AEBP2: variants seen among roughly 807,000 people sequenced by gnomAD.
The protein encoded by AEBP2 is zinc finger protein AEBP2.
Under a neutral mutation model 50.8 loss-of-function variants are expected in AEBP2, and 10 were observed. That is an observed-to-expected ratio of 0.20 (90% CI 0.12 to 0.33). The LOEUF (loss-of-function observed/expected upper bound fraction) is 0.33. AEBP2 is among the 10% of genes least tolerant of loss of function. The pLI is 1.00. For missense variants in AEBP2, 570 were observed against 688.0 expected, an observed-to-expected ratio of 0.83 and a Z score of 1.92; for synonymous variants, 296 against 261.3, an observed-to-expected ratio of 1.13 and a Z score of -1.28.
intron 2 of AEBP2, among the ~76,000 whole-genome samples, chr12:19,470,921 A>G (rs973176760): frequency 6.6e-6 from 1 of 152,176 alleles, no homozygotes; most frequent in African/African-American, 2.4e-5. Context: ...GTTCCCAAAT[A>G]CTTTCTTTAA....
chr12:19,502,804 A>G (rs1949102713), intron 5 of AEBP2, among the ~76,000 whole-genome samples: 1 of 151,918 alleles, frequency 6.6e-6, no homozygotes, highest in Non-Finnish European at 1.5e-5. Flanking sequence ...GTGTACCACC[A>G]CGCCTGGCTA....
At chr12:19,425,956 A>G (rs2095748316) in intron 1 of AEBP2, among the ~76,000 whole-genome samples, 1 of 151,864 alleles carries the variant, frequency 6.6e-6, no homozygotes, top group Admixed American at 6.6e-5. Flanking sequence ...TTTCTTTTTG[A>G]GACAGGGTCT....
intron 3 of AEBP2, among the ~76,000 whole-genome samples, chr12:19,487,505 G>A (rs1313808064): frequency 3.3e-5 from 5 of 152,108 alleles, no homozygotes; most frequent in African/African-American, 1.2e-4. Context: ...ATCATTTGAG[G>A]TCAGGAGTTC....
At chr12:19,504,693 T>A (rs975835125) in intron 5 of AEBP2, among the ~76,000 whole-genome samples, 6 of 152,134 alleles carry the variant, frequency 3.9e-5, no homozygotes, top group African/African-American at 1.4e-4. Context: ...GAGAGCCTGG[T>A]TAGGAGCTCA....
At chr12:19,484,799 TGAA>T (rs896903408) in intron 3 of AEBP2, among the ~76,000 whole-genome samples, 4 of 151,952 alleles carry the variant, frequency 2.6e-5, no homozygotes, top group African/African-American at 9.7e-5. Context: ...AAGAAAAAAA[TGAA>T]GGAGGTAGTA....
Position 19,439,693 on chromosome 12 carries a change from C to T in AEBP2, c.-7C>T, listed in dbSNP as rs1483371458. On this transcript the variant is annotated 5_prime_UTR_variant, in exon 1 of 8. Coordinates refer to ENST00000266508, the MANE Select transcript of AEBP2 (RefSeq NM_153207.5). Reference sequence around the variant, plus strand: ...GAGGAGGAGGAGGAGGAGGAGCAGGCGCCGCCATGGCCGCCGCTATCACCG... The same window carrying T: ...GAGGAGGAGGAGGAGGAGGAGCAGGTGCCGCCATGGCCGCCGCTATCACCG... 14 of 1,505,346 alleles carry T rather than the reference C, an allele frequency of 9.3e-6. No homozygotes were observed. Among genetic ancestry groups the T allele is most frequent in the Non-Finnish European group, 3.5e-6 (4 of 1,135,016 alleles). The allele number at this position is 1,505,346 out of a possible 1,614,324, so 93.2% of individuals were successfully genotyped here. A position where few individuals can be genotyped will look rare whatever the true frequency, so the allele number is the denominator to read the frequency against.
chr12:19,440,212 CG>C lies in AEBP2; in HGVS notation c.518del (p.Gly173AlafsTer8). 6 of 1,454,100 alleles carry C rather than the reference CG, an allele frequency of 4.1e-6. No individual in the cohort carries two copies. The highest frequency in any genetic ancestry group is 4.5e-6 in the Non-Finnish European group (5 of 1,115,712). 90.1% of individuals were successfully genotyped at this position (1,454,100 alleles called of 1,614,324 possible). ...GACCGCGGGGCAGCCAGGGCGGCGG[CG>C]GGGGCGGCAGCAGTAGCAGCAGCGT... Reference protein sequence around the residue: ...KGPRGSQGGGGGGSSSSSVVS... With the variant: ...KGPRGSQGGGXGGSSSSSVVS... On this transcript the variant is annotated frameshift_variant, in exon 1 of 8. Transcript: ENST00000266508. LOFTEE classifies it high-confidence loss of function.
intron 2 of AEBP2, among the ~76,000 whole-genome samples, chr12:19,468,674 G>A (rs1474440800): frequency 1.3e-5 from 2 of 152,130 alleles, no homozygotes; most frequent in Non-Finnish European, 2.9e-5. Context: ...AGGATACACT[G>A]GTTCATACAC....
At chr12:19,459,539 C>G (rs117047132) in intron 1 of AEBP2, among the ~76,000 whole-genome samples, 3,274 of 152,192 alleles carry the variant, frequency 0.022, 41 homozygotes, top group East Asian at 0.043. Flanking sequence ...CCGGGGGAAA[C>G]TTGAAATTTC....
intron 3 of AEBP2, among the ~76,000 whole-genome samples, chr12:19,487,495 A>G (rs1948827637): frequency 6.6e-6 from 1 of 152,150 alleles, no homozygotes; most frequent in Admixed American, 6.6e-5. Context: ...AGGCGGGTGG[A>G]TCATTTGAGG....
intron 5 of AEBP2, among the ~76,000 whole-genome samples, chr12:19,504,681 A>G (rs771709233): frequency 2.0e-5 from 3 of 152,186 alleles, no homozygotes. Context: ...TGAGCCTGGC[A>G]GGAGAGCCTG....
chr12:19,505,102 A>G (rs1949136070), intron 5 of AEBP2, among the ~76,000 whole-genome samples: 1 of 152,236 alleles, frequency 6.6e-6, no homozygotes, highest in Non-Finnish European at 1.5e-5. Context: ...TTTGGAGACC[A>G]GAAAGAGTTA....
chr12:19,479,717 G>GTTTTTTTTTTTTTTTTTTTTTTT lies in AEBP2; in HGVS notation c.987+6371_987+6393dup, dbSNP rs369410408. Among the ~76,000 whole-genome samples, 25 of 22,346 alleles carry GTTTTTTTTTTTTTTTTTTTTTTT rather than the reference G, an allele frequency of 1.1e-3. 6 individuals are homozygous for GTTTTTTTTTTTTTTTTTTTTTTT. The highest frequency in any genetic ancestry group is 1.5e-3 in the Non-Finnish European group (17 of 11,048). 14.7% of individuals were successfully genotyped at this position (22,346 alleles called of 152,430 possible). ...ATTATTTAATGTCACCTCTTTGTGG[G>GTTTTTTTTTTTTTTTTTTTTTTT]TTTTTTTTTTTTTTTTTTTTTTTTT... On this transcript the variant is annotated intron_variant, in intron 3 of 7. Coordinates refer to ENST00000266508, the MANE Select transcript of AEBP2 (RefSeq NM_153207.5).
intron 2 of AEBP2, among the ~76,000 whole-genome samples, chr12:19,468,287 C>G (rs1372910710): frequency 6.6e-6 from 1 of 152,076 alleles, no homozygotes; most frequent in East Asian, 1.9e-4. Context: ...TATATCACCA[C>G]ACTCACCTGG....
chr12:19,416,648 G>T (rs1247941150), intron 1 of AEBP2, among the ~76,000 whole-genome samples: 1 of 147,910 alleles, frequency 6.8e-6, no homozygotes, highest in Non-Finnish European at 1.5e-5. Context: ...TCTTGAGACA[G>T]AGTCTCGTTC....
intron 1 of AEBP2, among the ~76,000 whole-genome samples, chr12:19,454,129 C>G (rs779437948): frequency 1.3e-5 from 2 of 151,986 alleles, no homozygotes; most frequent in African/African-American, 2.4e-5. Flanking sequence ...GAGCTCAAGC[C>G]GTTCGCCGCC....
chr12:19,454,127 G>A (rs2153368644), intron 1 of AEBP2, among the ~76,000 whole-genome samples: 1 of 152,194 alleles, frequency 6.6e-6, no homozygotes, highest in East Asian at 1.9e-4. Context: ...CTGAGCTCAA[G>A]CCGTTCGCCG....
rs1196456446 is a variant in AEBP2 at position 19,462,579 on chromosome 12, T to C, written c.741T>C (p.Asn247=). The C allele has an allele frequency of 6.8e-6, 11 of 1,613,752 alleles. No individual in the cohort carries two copies. Among genetic ancestry groups the C allele is most frequent in the African/African-American group, 1.3e-5 (1 of 74,928 alleles). ...GGCGTTCAACTCCAGCAATGATGAA[T>C]GGACAAGGAAGCACTACTTCTTCAA... is the stretch of plus-strand genomic sequence containing the variant. ...SSGRSTPAMM[N]GQGSTTSSSK... is the part of the protein sequence containing the mutation. Residue 247 remains asparagine (N), a synonymous_variant, in exon 2 of 8, where the codon AAT becomes AAC. Transcript: ENST00000266508.
intron 1 of AEBP2, among the ~76,000 whole-genome samples, chr12:19,445,680 A>G (rs981071989): frequency 1.3e-5 from 2 of 152,224 alleles, no homozygotes; most frequent in African/African-American, 4.8e-5. Flanking sequence ...GTACTGTATC[A>G]ATCAGGTGTT....
Sources: gnomAD v4.1 joint callset for allele counts (sites outside exome capture counted in the v4.1 genomes callset) on GRCh38, gnomAD v4.1.1 for gene constraint, MANE v1.5 for transcripts, NCBI Gene and HGNC (gene_info 2026-07-23, HGNC 2026-07-21) for gene names.